PIAS1: variants seen among roughly 807,000 people sequenced by gnomAD.
PIAS1 encodes E3 SUMO-protein ligase PIAS1.
In PIAS1, 6 loss-of-function variants were observed where a neutral mutation model predicts 71.3. The observed-to-expected ratio is 0.08, with a 90% CI of 0.05 to 0.17. The LOEUF is 0.17. Ranked by LOEUF, PIAS1 falls within the 10% of genes least tolerant of loss-of-function variation. The probability of loss-of-function intolerance (pLI) is 1.00; values close to 1 mark genes in which losing one functional copy is unlikely to be tolerated. For synonymous variants in PIAS1, 303 were observed against 292.9 expected (o/e 1.03, Z -0.35); for missense variants, 555 against 793.6 (o/e 0.70, Z 3.61).
At chr15:68,075,722 G>A (rs2092155824) in intron 1 of PIAS1, among the ~76,000 whole-genome samples, 1 of 150,386 alleles carries the variant, frequency 6.6e-6, no homozygotes, top group African/African-American at 2.4e-5. Flanking sequence ...ACTTTTTGCT[G>A]TAACCTATTT....
At position 68,187,876 on chromosome 15, in the gene PIAS1, T is replaced by C; in HGVS notation, c.*41T>C. 6 of 1,562,852 alleles carry C rather than the reference T, an allele frequency of 3.8e-6. No individual in the cohort carries two copies. The highest frequency in any genetic ancestry group is 5.3e-6 in the Non-Finnish European group (6 of 1,141,460). On this transcript the variant is annotated 3_prime_UTR_variant, in exon 14 of 14. Transcript: ENST00000249636. This position sits in a 1 kb window ranked among gnomAD's most constrained non-coding sequence, Gnocchi z 5.3. ...GCTCCCATCCCCACCCCAGATCGAA[T>C]GAACTTGGCAGAAAGAAGAGAACTT...
At position 68,187,179 on chromosome 15, in the gene PIAS1, A is replaced by G. The variant is rs911867412; in HGVS notation, c.1663-363A>G. On this transcript the variant is annotated intron_variant, in intron 13 of 13. Transcript: ENST00000249636. This position sits in a 1 kb window ranked among gnomAD's most constrained non-coding sequence, Gnocchi z 5.3. ...AGGGCAGTGAGTCATATTGACTGAT[A>G]GATTTCTTGGCTAAGTATCTCCTTA... Among the ~76,000 whole-genome samples, 3 of 152,228 alleles carry G rather than the reference A, an allele frequency of 2.0e-5. No homozygotes were observed. Among genetic ancestry groups the G allele is most frequent in the African/African-American group, 7.2e-5 (3 of 41,456 alleles).
At chr15:68,079,428 C>G (rs1435969701) in intron 1 of PIAS1, among the ~76,000 whole-genome samples, 2 of 152,120 alleles carry the variant, frequency 1.3e-5, no homozygotes, top group Admixed American at 1.3e-4. Flanking sequence ...GAAATTTGCA[C>G]TCTAAATTTT....
At chr15:68,119,887 T>C (rs759393412) in intron 2 of PIAS1, among the ~76,000 whole-genome samples, 7 of 152,270 alleles carry the variant, frequency 4.6e-5, no homozygotes, top group Admixed American at 1.3e-4. Flanking sequence ...TTTGTCACTA[T>C]ACAGTGACTC....
intron 2 of PIAS1, among the ~76,000 whole-genome samples, chr15:68,141,724 T>C (rs537287486): frequency 6.6e-6 from 1 of 152,314 alleles, no homozygotes; most frequent in African/African-American, 2.4e-5. Flanking sequence ...TGTCTGAATT[T>C]GAATCCTGAT....
intron 1 of PIAS1, among the ~76,000 whole-genome samples, chr15:68,078,950 G>A (rs1325038363): frequency 2.0e-5 from 3 of 152,056 alleles, no homozygotes; most frequent in African/African-American, 7.2e-5. Context: ...AACTGTAGAA[G>A]AGTAGAAGAA....
chr15:68,066,376 T>C (rs894758409), intron 1 of PIAS1, among the ~76,000 whole-genome samples: 1 of 152,148 alleles, frequency 6.6e-6, no homozygotes, highest in African/African-American at 2.4e-5. Context: ...CCCAAAGTGC[T>C]GGGATTACAG....
At chr15:68,067,248 C>G (rs1249574578) in intron 1 of PIAS1, among the ~76,000 whole-genome samples, 1 of 152,122 alleles carries the variant, frequency 6.6e-6, no homozygotes, top group Non-Finnish European at 1.5e-5. Context: ...GTGTAACCAT[C>G]CTGTATGTTC....
At chr15:68,153,306 G>C (rs1423111901) in intron 6 of PIAS1, among the ~76,000 whole-genome samples, 1 of 151,980 alleles carries the variant, frequency 6.6e-6, no homozygotes, top group African/African-American at 2.4e-5. Context: ...GACAGACCTG[G>C]GTTTAAATTC....
chr15:68,079,522 A>G (rs1040216569), intron 1 of PIAS1, among the ~76,000 whole-genome samples: 1 of 152,134 alleles, frequency 6.6e-6, no homozygotes, highest in African/African-American at 2.4e-5. Flanking sequence ...ACTGGAGTCC[A>G]GTGGTGTGAT....
chr15:68,103,340 T>C (rs1163157017), intron 2 of PIAS1, among the ~76,000 whole-genome samples: 4 of 152,148 alleles, frequency 2.6e-5, no homozygotes, highest in Non-Finnish European at 5.9e-5. Flanking sequence ...TCCTTTTTTT[T>C]TTTTTAAGCT....
At chr15:68,074,345 T>A (rs78221207) in intron 1 of PIAS1, among the ~76,000 whole-genome samples, 174 of 152,314 alleles carry the variant, frequency 1.1e-3, no homozygotes, top group African/African-American at 4.0e-3. Flanking sequence ...AAAAAAATTT[T>A]ATTTTTAGAC....
intron 6 of PIAS1, among the ~76,000 whole-genome samples, chr15:68,153,245 T>C (rs1393356277): frequency 6.6e-6 from 1 of 152,200 alleles, no homozygotes; most frequent in East Asian, 1.9e-4. Flanking sequence ...TATTCTTTCA[T>C]GTAAGTGCCT....
At chr15:68,101,577 T>C (rs1296626921) in intron 2 of PIAS1, among the ~76,000 whole-genome samples, 2 of 152,320 alleles carry the variant, frequency 1.3e-5, no homozygotes, top group African/African-American at 2.4e-5. Context: ...CGAGCAGCCC[T>C]CCTGCCTCAG....
intron 7 of PIAS1, among the ~76,000 whole-genome samples, chr15:68,158,635 G>T (rs2092906193): frequency 6.6e-6 from 1 of 151,972 alleles, no homozygotes; most frequent in South Asian, 2.1e-4. Flanking sequence ...GCATATTTTT[G>T]AAGTAAACTG....
chr15:68,138,381 A>T (rs1465502474), intron 2 of PIAS1, among the ~76,000 whole-genome samples: 2 of 152,094 alleles, frequency 1.3e-5, no homozygotes, highest in East Asian at 3.9e-4. Context: ...TTATCCTCCC[A>T]TTGGGATAGG....
At chr15:68,104,987 A>G (rs561465305) in intron 2 of PIAS1, among the ~76,000 whole-genome samples, 2 of 152,324 alleles carry the variant, frequency 1.3e-5, no homozygotes, top group African/African-American at 2.4e-5. Context: ...TGAGAGGACT[A>G]TAGTGTATAG....
chr15:68,092,555 C>G (rs2092341327), intron 2 of PIAS1, among the ~76,000 whole-genome samples: 1 of 152,192 alleles, frequency 6.6e-6, no homozygotes, highest in South Asian at 2.1e-4. Context: ...TTGCTGTGGT[C>G]TGAATGTGTC....
rs567391011 is a variant in PIAS1, at chr15:68,189,711, G to A, written c.*1876G>A. ...AGTGAGTTTCATAGTCTTCCCCTAC[G>A]CATGTGTATTCCACACACAAATGGC... On this transcript the variant is annotated 3_prime_UTR_variant, in exon 14 of 14. Transcript: ENST00000249636. 3.3e-5 allele frequency: 5 copies of A among 151,938 alleles called. No individual in the cohort carries two copies. The South Asian group carries it at 6.2e-4, about 19-fold the overall frequency. 9.4% of individuals were successfully genotyped at this position (151,938 alleles called of 1,614,324 possible). A position where few individuals can be genotyped will look rare whatever the true frequency, so the allele number is the denominator to read the frequency against.
Sources: gnomAD v4.1 joint callset for allele counts (sites outside exome capture counted in the v4.1 genomes callset) on GRCh38, gnomAD v4.1.1 for gene constraint, Gnocchi (gnomAD v3.1) non-coding constraint, MANE v1.5 for transcripts, NCBI Gene and HGNC (gene_info 2026-07-23, HGNC 2026-07-21) for gene names.